CDK13: variants seen among roughly 807,000 people sequenced by gnomAD.
CDK13 encodes the protein cyclin dependent kinase 13.
A neutral mutation model predicts 137.6 loss-of-function variants in CDK13; 40 were observed. That is an observed-to-expected ratio of 0.29 (90% CI 0.23 to 0.38). The LOEUF is 0.38. Ranked by LOEUF, CDK13 falls within the 10% of genes least tolerant of loss-of-function variation. The probability of loss-of-function intolerance (pLI) is 1.00; values close to 1 mark genes in which losing one functional copy is unlikely to be tolerated. For missense variants in CDK13, 1,704 were observed against 1,951.8 expected, an observed-to-expected ratio of 0.87 and a Z score of 2.39; for synonymous variants, 869 against 760.1, an observed-to-expected ratio of 1.14 and a Z score of -2.36.
intron 9 of CDK13, among the ~76,000 whole-genome samples, chr7:40,065,769 A>C (rs147393695): frequency 6.6e-6 from 1 of 152,328 alleles, no homozygotes; most frequent in East Asian, 1.9e-4. Flanking sequence ...CAGGAAATAA[A>C]AATGAATTAT....
intron 2 of CDK13, among the ~76,000 whole-genome samples, chr7:39,990,966 A>C (rs1178037532): frequency 6.6e-6 from 1 of 152,256 alleles, no homozygotes; most frequent in Non-Finnish European, 1.5e-5. Flanking sequence ...TATAATATAT[A>C]AACCATTATA....
intron 1 of CDK13, among the ~76,000 whole-genome samples, chr7:39,981,011 C>G (rs1026411853): frequency 2.6e-5 from 4 of 152,106 alleles, no homozygotes; most frequent in African/African-American, 7.2e-5. Context: ...AAAAACATCA[C>G]AAGCAAGAAA....
Position 40,092,881 on chromosome 7 carries a change from T to C in CDK13, c.3332T>C (p.Val1111Ala). 3 of 1,614,150 alleles carry C rather than the reference T, an allele frequency of 1.9e-6. No homozygotes were observed. The highest frequency in any genetic ancestry group is 2.5e-6 in the Non-Finnish European group (3 of 1,180,008). The change falls in exon 13 of 14, where the codon GTC becomes GCC. Residue 1111 changes from valine (V) to alanine (A), a missense_variant. Transcript: ENST00000181839. ...ACAAGTGTTAATATGGCTGATTTTG[T>C]CCAAGTGTTGAACATTAAGGTAAAC... ...SKTSVNMADF[V>A]QVLNIKVNSE...
intron 5 of CDK13, among the ~76,000 whole-genome samples, chr7:40,014,161 C>G (rs890577379): frequency 2.7e-5 from 4 of 148,778 alleles, no homozygotes; most frequent in Non-Finnish European, 4.4e-5. Flanking sequence ...CTCCGACTCC[C>G]GGGTTCAAGC....
chr7:39,975,179 C>T (rs939240842), intron 1 of CDK13, among the ~76,000 whole-genome samples: 6 of 151,956 alleles, frequency 3.9e-5, no homozygotes, highest in Non-Finnish European at 7.4e-5. Context: ...TTTGGGAGGC[C>T]GAGGCAGGAG....
chr7:39,976,004 A>G (rs1215728018), intron 1 of CDK13, among the ~76,000 whole-genome samples: 1 of 152,144 alleles, frequency 6.6e-6, no homozygotes, highest in East Asian at 1.9e-4. Flanking sequence ...AGCTTGACCC[A>G]TGCAAAATAG....
intron 5 of CDK13, among the ~76,000 whole-genome samples, chr7:40,006,791 T>C (rs1015010644): frequency 1.3e-5 from 2 of 152,126 alleles, no homozygotes; most frequent in African/African-American, 4.8e-5. Flanking sequence ...CAAATTATCT[T>C]GCTAGAGAAG....
chr7:40,044,511 G>T (rs1785690052), intron 5 of CDK13, among the ~76,000 whole-genome samples: 2 of 151,850 alleles, frequency 1.3e-5, no homozygotes, highest in South Asian at 4.2e-4. Context: ...TAGAGACAGG[G>T]TTTCGACATG....
intron 1 of CDK13, among the ~76,000 whole-genome samples, chr7:39,954,293 T>G (rs1345632897): frequency 1.3e-5 from 2 of 152,168 alleles, no homozygotes; most frequent in African/African-American, 2.4e-5. Context: ...ATTGGAAAAA[T>G]CTAAAGATTT....
chr7:40,013,173 G>A (rs1308705678), intron 5 of CDK13, among the ~76,000 whole-genome samples: 1 of 152,178 alleles, frequency 6.6e-6, no homozygotes, highest in African/African-American at 2.4e-5. Context: ...GATAATATAT[G>A]TGTGATTCTA....
intron 7 of CDK13, among the ~76,000 whole-genome samples, chr7:40,055,255 GTTCAT>G (rs1392317798): frequency 2.7e-5 from 4 of 150,224 alleles, no homozygotes; most frequent in Admixed American, 6.7e-5. Flanking sequence ...AAGTGGAGTG[GTTCAT>G]TTCATTTTTA....
intron 5 of CDK13, among the ~76,000 whole-genome samples, chr7:40,031,452 G>GCACTACTT (rs1178370599): frequency 1.1e-3 from 171 of 152,154 alleles, no homozygotes; most frequent in African/African-American, 4.0e-3. Flanking sequence ...AACCTAGGGG[G>GCACTACTT]CAGAGGCTGC....
chr7:40,064,170 A>G (rs1472981194), intron 9 of CDK13, among the ~76,000 whole-genome samples: 1 of 151,050 alleles, frequency 6.6e-6, no homozygotes, highest in Non-Finnish European at 1.5e-5. Flanking sequence ...TATAATCCCA[A>G]CTACTTGGGA....
chr7:39,987,110 C>A (rs780517162), intron 1 of CDK13: 3 of 152,288 alleles, frequency 2.0e-5, no homozygotes, highest in Non-Finnish European at 4.4e-5. Flanking sequence ...TTAAAACTAT[C>A]TTTCTGAAAC....
At chr7:40,061,353 A>G (rs1321237518) in intron 7 of CDK13, 1 of 152,174 alleles carries the variant, frequency 6.6e-6, no homozygotes, top group Non-Finnish European at 1.5e-5. Flanking sequence ...ACTGTTAACT[A>G]TAGTCCTATC....
chr7:40,080,411 G>A (rs1379745410), intron 11 of CDK13, among the ~76,000 whole-genome samples: 2 of 152,140 alleles, frequency 1.3e-5, no homozygotes, highest in Admixed American at 6.5e-5. Flanking sequence ...GGGCTCTGGA[G>A]TTCAAATCCT....
rs748664762 is a variant in CDK13 at position 39,997,594 on chromosome 7, G to C, written c.1972G>C (p.Gly658Arg). The change falls in exon 3 of 14, where the codon GGA (glycine) becomes CGA (arginine). Residue 658 changes from glycine to arginine, a missense_variant. Around this residue, in one of 5 missense-constraint regions of CDK13, gnomAD observed 1,051 missense variants for 931.0 expected, o/e 1.13. Transcript: ENST00000181839. ...DLPLPPELPG[G>R]DDLSKSPEEK... is the part of the protein sequence containing the mutation. Reference sequence around the variant, plus strand: ...ACCGCTGCCCCCTGAGCTACCAGGAGGAGATGATCTTTCAAAGAGTCCAGA... The same window carrying C: ...ACCGCTGCCCCCTGAGCTACCAGGACGAGATGATCTTTCAAAGAGTCCAGA... 6.2e-7 allele frequency: 1 copy of C among 1,612,740 alleles called. No homozygotes were observed. Among genetic ancestry groups the C allele is most frequent in the African/African-American group, 1.3e-5 (1 of 74,820 alleles).
At chr7:40,003,206 A>T (rs200773969) in intron 5 of CDK13, among the ~76,000 whole-genome samples, 41,796 of 79,074 alleles carry the variant, frequency 0.53, 9,259 homozygotes, top group Middle Eastern at 0.63. Flanking sequence ...ACACACACAC[A>T]CTCTCTCTCT....
chr7:40,027,345 A>G (rs1441404027), intron 5 of CDK13, among the ~76,000 whole-genome samples: 1 of 152,224 alleles, frequency 6.6e-6, no homozygotes, highest in Non-Finnish European at 1.5e-5. Context: ...TCTGTCTCAC[A>G]CAAACACACA....
Sources: allele counts gnomAD v4.1 joint callset (sites outside exome capture counted in the v4.1 genomes callset), GRCh38; gene constraint gnomAD v4.1.1; regional missense constraint gnomAD v4.1.1; transcripts MANE v1.5; gene names NCBI Gene and HGNC (gene_info 2026-07-23, HGNC 2026-07-21).